TAF1: variants seen among roughly 807,000 people sequenced by gnomAD.
TAF1 encodes TATA-box binding protein associated factor 1.
TAF1 carries 2 observed loss-of-function variants against 138.5 expected under a neutral mutation model. The observed-to-expected ratio is 0.01, with a 90% CI of 0.01 to 0.05. The LOEUF is 0.05. Ranked by LOEUF, TAF1 falls within the 10% of genes least tolerant of loss-of-function variation. TAF1 has a pLI of 1.00. For synonymous variants in TAF1, 437 were observed against 503.2 expected (o/e 0.87, Z 1.76); for missense variants, 709 against 1,478.0 (o/e 0.48, Z 8.53).
At chrX:71,376,591 CGA>C (rs1408522112) in intron 4 of TAF1, among the ~76,000 whole-genome samples, 1 of 108,396 alleles carries the variant, frequency 9.2e-6, no homozygotes, top group African/African-American at 3.4e-5. Context: ...CACTTGAACC[CGA>C]GAGAGAGAGG....
intron 8 of TAF1, 87 bp downstream of exon 8, chrX:71,379,118 T>C: frequency 3.1e-6 from 3 of 978,742 alleles, no homozygotes; most frequent in Non-Finnish European, 4.1e-6. Context: ...TTTTTTTTTT[T>C]TTTTTTTTTT....
intron 4 of TAF1, among the ~76,000 whole-genome samples, chrX:71,376,139 G>A (rs979332657): frequency 9.8e-5 from 11 of 111,741 alleles, no homozygotes; most frequent in African/African-American, 3.6e-4. Context: ...TTTGAGGCTT[G>A]TATTAACCTA....
intron 13 of TAF1, among the ~76,000 whole-genome samples, chrX:71,482,280 A>G (rs2039085290): frequency 8.9e-6 from 1 of 112,572 alleles, no homozygotes; most frequent in African/African-American, 3.2e-5. Flanking sequence ...AGGTTGTACA[A>G]TTGTGAATCT....
At chrX:71,400,194 A>G (rs1449416357) in intron 24 of TAF1, among the ~76,000 whole-genome samples, 2 of 101,629 alleles carry the variant, frequency 2.0e-5, no homozygotes, top group Non-Finnish European at 4.0e-5. Context: ...GGTTGAAGAG[A>G]TTTTCGTGCC....
At chrX:71,519,270 C>T (rs1260749965) in intron 13 of TAF1, among the ~76,000 whole-genome samples, 5 of 101,215 alleles carry the variant, frequency 4.9e-5, no homozygotes, top group African/African-American at 1.5e-4. Context: ...TACAGTGAGC[C>T]GGTGATCAAG....
intron 13 of TAF1, among the ~76,000 whole-genome samples, chrX:71,518,142 A>G (rs1215599375): frequency 9.0e-6 from 1 of 110,613 alleles, no homozygotes; most frequent in Non-Finnish European, 1.9e-5. Flanking sequence ...AAATTCTTAT[A>G]CAATTAATTC....
intron 5 of TAF1, among the ~76,000 whole-genome samples, 197 bp from the exon 6 acceptor site, chrX:71,377,405 CT>C (rs748975784): frequency 3.6e-5 from 4 of 111,594 alleles, no homozygotes; most frequent in Non-Finnish European, 7.5e-5. Context: ...GGAAATTTCT[CT>C]GTTATCTTAA....
At chrX:71,399,253 C>CTTTTTTTTTT (rs1159549890) in intron 24 of TAF1, among the ~76,000 whole-genome samples, 1 of 70,346 alleles carries the variant, frequency 1.4e-5, no homozygotes, top group African/African-American at 5.7e-5. Context: ...CATTTATTCT[C>CTTTTTTTTTT]TTTTTTTTTT....
chrX:71,512,673 C>A (rs1464318437), intron 13 of TAF1, among the ~76,000 whole-genome samples: 2 of 111,057 alleles, frequency 1.8e-5, no homozygotes, highest in African/African-American at 6.6e-5. Context: ...CAAAAATTTG[C>A]CGGGCATGGT....
At chrX:71,490,981 G>C (rs1173935616) in intron 13 of TAF1, 3 of 108,309 alleles carry the variant, frequency 2.8e-5, no homozygotes, top group African/African-American at 1.0e-4. Flanking sequence ...CCTCCCAAAG[G>C]ACTGGGATTA....
intron 32 of TAF1, among the ~76,000 whole-genome samples, chrX:71,448,692 AAC>A (rs1476624188): frequency 1.8e-5 from 2 of 112,384 alleles, no homozygotes; most frequent in Admixed American, 9.4e-5. Context: ...GACTGTCTAA[AAC>A]TGACACAAAC....
chrX:71,459,456 T>TGGGC (rs1193832681), intron 35 of TAF1, 96 bp from the exon 36 acceptor site: 1 of 401,467 alleles, frequency 2.5e-6, no homozygotes, highest in East Asian at 4.9e-5. Context: ...AGTGGAGGGA[T>TGGGC]GGGCGGGGCG....
chrX:71,369,257 A>G (rs749434371), intron 3 of TAF1, among the ~76,000 whole-genome samples: 86 of 111,363 alleles, frequency 7.7e-4, no homozygotes, highest in South Asian at 1.5e-3. Context: ...CTCGGTCTCC[A>G]TAAGTGTTAG....
In TAF1 at chrX:71,392,761, A is replaced by G. The variant is rs1490815679; in HGVS notation, c.2931+43A>G. The G allele has an allele frequency of 5.9e-6, 7 of 1,189,971 alleles. No homozygotes were observed. In the South Asian group the frequency reaches 1.1e-4, roughly 19 times the overall value. ...TCTAGAATGAAAAAGTCAAGGGAGA[A>G]AGAAATGGGTGAGTGGAGGACTTGG... On this transcript the variant is annotated intron_variant, in intron 19 of 37. Transcript: ENST00000423759.
At chrX:71,409,028 AAG>A (rs1215014263) in intron 28 of TAF1, among the ~76,000 whole-genome samples, 44 of 110,000 alleles carry the variant, frequency 4.0e-4, no homozygotes, top group African/African-American at 1.5e-3. Context: ...AAAAAAAAAA[AAG>A]AGAGAGAGAC....
rs151307363 is a variant in TAF1, at chrX:71,380,729, C to T, written c.1361-1014C>T. 1.0e-2 allele frequency among the ~76,000 whole-genome samples: 1,117 copies of T among 111,974 alleles called. 8 individuals carry two copies. The highest frequency in any genetic ancestry group is 0.034 in the African/African-American group (1,035 of 30,865). ...TCTTTTTTGAGACAAGAGTCTCTGT[C>T]GCCCAGGGTGGAATGTGTTGGCGCG... is the stretch of plus-strand genomic sequence containing the variant. On this transcript the variant is annotated intron_variant, in intron 8 of 37. Transcript: ENST00000423759.
At chrX:71,385,596 A>G (rs1482341441) in intron 14 of TAF1, among the ~76,000 whole-genome samples, 1 of 110,724 alleles carries the variant, frequency 9.0e-6, no homozygotes, top group African/African-American at 3.3e-5. Flanking sequence ...GCACTCTCCC[A>G]TCTTGTTTTT....
chrX:71,467,086 CT>C (rs756449044), downstream of TAF1, among the ~76,000 whole-genome samples: 1,190 of 65,301 alleles, frequency 0.018, 17 homozygotes, highest in African/African-American at 0.041. Flanking sequence ...GGAGGGCATT[CT>C]TTTTTTTTTT....
chrX:71,408,147 C>T lies in TAF1; in HGVS notation c.4380C>T (p.Tyr1460=). 8.3e-7 allele frequency: 1 copy of T among 1,210,509 alleles called. No individual in the cohort carries two copies. The highest frequency in any genetic ancestry group is 1.1e-6 in the Non-Finnish European group (1 of 895,072). Residue 1460 remains tyrosine, a synonymous_variant, in exon 28 of 38, where the codon TAC becomes TAT. Transcript: ENST00000423759. ...LELIVKNSAT[Y]NGPKHSLTQI... The stretch of plus-strand genomic sequence containing the variant: ...TAATTGTGAAAAATAGTGCAACCTA[C>T]AATGGTAAGAATCAAATGTTCCGTG...
Sources: gnomAD v4.1 joint callset for allele counts (sites outside exome capture counted in the v4.1 genomes callset) on GRCh38, gnomAD v4.1.1 for gene constraint, MANE v1.5 for transcripts, NCBI Gene and HGNC (gene_info 2026-07-23, HGNC 2026-07-21) for gene names.